Variants in CPVL observed in about 807,000 individuals in gnomAD.
CPVL encodes probable serine carboxypeptidase CPVL.
In CPVL, 51 loss-of-function variants were observed where a neutral mutation model predicts 63.7. The observed-to-expected ratio is 0.80, with a 90% confidence interval of 0.64 to 1.01. The LOEUF is 1.01. Among genes scored for constraint, CPVL ranks in the 50% least tolerant of loss-of-function variants. CPVL has a pLI of 0.00. For synonymous variants in CPVL, 195 were observed against 206.0 expected (o/e 0.95, Z 0.46); for missense variants, 530 against 573.1 (o/e 0.92, Z 0.77).
chr7:29,023,331 A>T (rs1787191440), intron 12 of CPVL, among the ~76,000 whole-genome samples: 1 of 152,212 alleles, frequency 6.6e-6, no homozygotes, highest in Non-Finnish European at 1.5e-5. Context: ...GGCCCATCTT[A>T]TAGGGCAGCA....
intron 12 of CPVL, among the ~76,000 whole-genome samples, chr7:29,005,549 C>G (rs539828544): frequency 6.6e-6 from 1 of 152,208 alleles, no homozygotes; most frequent in Non-Finnish European, 1.5e-5. Context: ...TTAACTGTGT[C>G]TACAGTGAGT....
chr7:29,041,243 T>G (rs781367278), intron 11 of CPVL, among the ~76,000 whole-genome samples: 1 of 151,590 alleles, frequency 6.6e-6, no homozygotes, highest in Non-Finnish European at 1.5e-5. Context: ...ACCTGGCTAA[T>G]TTTTGTATTT....
At chr7:29,073,784 C>T (rs1289207581) in intron 7 of CPVL, among the ~76,000 whole-genome samples, 5 of 152,166 alleles carry the variant, frequency 3.3e-5, no homozygotes, top group Admixed American at 3.3e-4. Flanking sequence ...AATACAGGGA[C>T]ATTTGTCTGT....
intron 1 of CPVL, among the ~76,000 whole-genome samples, chr7:29,125,686 C>CA (rs1382768757): frequency 6.6e-6 from 1 of 152,156 alleles, no homozygotes; most frequent in African/African-American, 2.4e-5. Flanking sequence ...AGCCACCGCC[C>CA]CCGGCCTACT....
chr7:29,145,492 G>A (rs1792435140), intron 1 of CPVL, among the ~76,000 whole-genome samples: 1 of 151,966 alleles, frequency 6.6e-6, no homozygotes, highest in African/African-American at 2.4e-5. Flanking sequence ...TGAAGGTGGG[G>A]GGCTCAGAGG....
intron 1 of CPVL, among the ~76,000 whole-genome samples, chr7:29,130,692 A>G (rs1584353769): frequency 6.6e-6 from 1 of 152,184 alleles, no homozygotes; most frequent in Non-Finnish European, 1.5e-5. Context: ...TATCTAGGTG[A>G]TGTCAAAGTC....
At chr7:29,077,311 T>C (rs60191378) in intron 7 of CPVL, among the ~76,000 whole-genome samples, 2 of 150,310 alleles carry the variant, frequency 1.3e-5, no homozygotes, top group Non-Finnish European at 3.0e-5. Flanking sequence ...AAAAAAAAAA[T>C]AGATACACTT....
chr7:29,116,001 T>C (rs1449372712), intron 2 of CPVL, among the ~76,000 whole-genome samples: 2 of 152,058 alleles, frequency 1.3e-5, no homozygotes, highest in African/African-American at 2.4e-5. Context: ...GGTCAGGAGG[T>C]TGGAAAGTGG....
chr7:29,012,825 C>T (rs1785989113), intron 12 of CPVL: 1 of 152,218 alleles, frequency 6.6e-6, no homozygotes, highest in African/African-American at 2.4e-5. Context: ...GGTTCCCAAA[C>T]TGGCTACATA....
chr7:29,054,115 G>T (rs189866557), intron 11 of CPVL, among the ~76,000 whole-genome samples: 1 of 151,866 alleles, frequency 6.6e-6, no homozygotes, highest in East Asian at 1.9e-4. Context: ...TAAATAAATA[G>T]TATACCCTTT....
intron 7 of CPVL, among the ~76,000 whole-genome samples, chr7:29,082,883 A>C (rs1250640444): frequency 6.6e-6 from 1 of 152,184 alleles, no homozygotes; most frequent in Non-Finnish European, 1.5e-5. Flanking sequence ...TCACCACATT[A>C]TTTCCAAGAC....
chr7:29,146,901 C>T (rs918780395), upstream of CPVL: 37 of 1,551,190 alleles, frequency 2.4e-5, no homozygotes, highest in Non-Finnish European at 3.2e-5. Context: ...GTGTTTGATT[C>T]CCACTGTTTA....
chr7:29,069,457 A>G (rs920997038), intron 9 of CPVL, among the ~76,000 whole-genome samples: 5 of 151,980 alleles, frequency 3.3e-5, no homozygotes, highest in East Asian at 1.9e-4. Flanking sequence ...AAAAAAAAAA[A>G]AAAGAAAAAG....
intron 9 of CPVL, among the ~76,000 whole-genome samples, chr7:29,068,671 G>A (rs541911503): frequency 2.0e-5 from 3 of 151,570 alleles, no homozygotes; most frequent in Non-Finnish European, 4.4e-5. Context: ...CCACAGAGGA[G>A]GTGTCTTTTT....
rs117877928 is a variant in CPVL at position 29,033,064 on chromosome 7, T to C, written c.1138-2305A>G. ...CAGGCAATGTGTAGAAGGTCTACTTTTGGGTACAAATGGAAATCCTTCCTT... is the reference window on the plus strand; with the variant it reads ...CAGGCAATGTGTAGAAGGTCTACTTCTGGGTACAAATGGAAATCCTTCCTT... On this transcript the variant is annotated intron_variant, in intron 11 of 12. Coordinates refer to ENST00000265394, the MANE Select transcript of CPVL (RefSeq NM_031311.5). Among the ~76,000 whole-genome samples, 1,161 of 152,306 alleles carry C rather than the reference T, an allele frequency of 7.6e-3. 5 individuals are homozygous for C. The highest frequency in any genetic ancestry group is 0.011 in the Non-Finnish European group (723 of 68,034).
chr7:29,076,916 GA>G (rs1190910275), intron 7 of CPVL, among the ~76,000 whole-genome samples: 3 of 152,158 alleles, frequency 2.0e-5, no homozygotes, highest in Non-Finnish European at 4.4e-5. Flanking sequence ...CAGCCTAATG[GA>G]AATCCCGTGA....
intron 1 of CPVL, among the ~76,000 whole-genome samples, chr7:29,191,126 G>A (rs1472575786): frequency 2.6e-5 from 4 of 152,004 alleles, no homozygotes; most frequent in African/African-American, 9.7e-5. Flanking sequence ...TTAGAGATGA[G>A]GCCTCATGTT....
At chr7:29,186,579 A>C (rs1440869813) in intron 1 of CPVL, 1 of 151,748 alleles carries the variant, frequency 6.6e-6, no homozygotes, top group Non-Finnish European at 1.5e-5. Flanking sequence ...AAAGGAAAGG[A>C]AAGAAAGAAA....
chr7:29,090,650 T>C (rs1031797767), intron 6 of CPVL, among the ~76,000 whole-genome samples: 1 of 152,290 alleles, frequency 6.6e-6, no homozygotes, highest in East Asian at 1.9e-4. Flanking sequence ...CAGAAGGAGA[T>C]TGGCACCAGC....
Sources: gnomAD v4.1 joint callset for allele counts (sites outside exome capture counted in the v4.1 genomes callset) on GRCh38, gnomAD v4.1.1 for gene constraint, MANE v1.5 for transcripts, NCBI Gene and HGNC (gene_info 2026-07-23, HGNC 2026-07-21) for gene names.